Variants in PGM2L1 observed in about 807,000 individuals in gnomAD.
PGM2L1 encodes glucose 1,6-bisphosphate synthase.
A neutral mutation model predicts 73.4 loss-of-function variants in PGM2L1; 35 were observed. The observed-to-expected ratio is 0.48, with a 90% CI of 0.36 to 0.63. PGM2L1 has a LOEUF of 0.63. Ranked by LOEUF, PGM2L1 falls within the 30% of genes least tolerant of loss-of-function variation. The pLI is 0.00. For synonymous variants in PGM2L1, 225 were observed against 253.8 expected, an observed-to-expected ratio of 0.89 and a Z score of 1.08; for missense variants, 570 against 742.0, an observed-to-expected ratio of 0.77 and a Z score of 2.69.
intron 2 of PGM2L1, among the ~76,000 whole-genome samples, chr11:74,374,201 A>G (rs1862820851): frequency 6.6e-6 from 1 of 152,066 alleles, no homozygotes; most frequent in African/African-American, 2.4e-5. Flanking sequence ...CTCCTGCCTC[A>G]GCCTCCCGGG....
chr11:74,359,068 TATATATTCATGC>T (rs1304870402), intron 5 of PGM2L1, among the ~76,000 whole-genome samples: 1 of 152,198 alleles, frequency 6.6e-6, no homozygotes, highest in Non-Finnish European at 1.5e-5. Flanking sequence ...GAATAAAGCA[TATATATTCATGC>T]ATATATTCAT....
rs60883108 is a variant in PGM2L1, at chr11:74,395,549, C to CTTTTTTTTTTTTTTTTT, written c.111+2485_111+2501dup. On this transcript the variant is annotated intron_variant, in intron 1 of 13. Transcript: ENST00000298198. ...TACAGGCACGTGACACCTCGCCTGG[C>CTTTTTTTTTTTTTTTTT]TTTTTTTTTTTTTTTTTTTTTTTTT... 1.6e-3 allele frequency among the ~76,000 whole-genome samples: 102 copies of CTTTTTTTTTTTTTTTTT among 64,942 alleles called. 9 individuals carry two copies. The highest frequency in any genetic ancestry group is 1.9e-3 in the African/African-American group (27 of 14,098). The allele number at this position is 64,942 out of a possible 152,430, so 42.6% of individuals were successfully genotyped here.
intron 1 of PGM2L1, among the ~76,000 whole-genome samples, chr11:74,390,460 C>T (rs1383196843): frequency 6.6e-6 from 1 of 152,164 alleles, no homozygotes; most frequent in Non-Finnish European, 1.5e-5. Flanking sequence ...TGATATGCAA[C>T]AGTTTGCTTA....
Position 74,374,491 on chromosome 11 carries a change from C to G in PGM2L1, c.203G>C (p.Gly68Ala). 4 of 1,614,100 alleles carry G rather than the reference C, an allele frequency of 2.5e-6. No homozygotes were observed. The highest frequency in any genetic ancestry group is 3.4e-6 in the Non-Finnish European group (4 of 1,179,974). Residue 68 changes from glycine to alanine, a missense_variant, in exon 2 of 14, where the codon GGG (glycine) becomes GCG (alanine). Transcript: ENST00000298198. Reference protein sequence around the residue: ...RDRLCCRMTFGTAGLRSAMGA... With the variant: ...RDRLCCRMTFATAGLRSAMGA... ...CATGGCAGAACGAAGTCCTGCAGTC[C>G]CAAAAGTCATTCGGCAACAAAGACG...
chr11:74,395,439 T>G (rs903415343), intron 1 of PGM2L1, among the ~76,000 whole-genome samples: 4 of 151,798 alleles, frequency 2.6e-5, no homozygotes, highest in African/African-American at 9.7e-5. Flanking sequence ...CAGGCTGGAG[T>G]GCAGTGGAAC....
chr11:74,389,832 G>A (rs143096764), intron 1 of PGM2L1, among the ~76,000 whole-genome samples: 1 of 148,952 alleles, frequency 6.7e-6, no homozygotes, highest in East Asian at 2.0e-4. Flanking sequence ...GGCCGGGTGC[G>A]GTGGCTCACG....
intron 5 of PGM2L1, among the ~76,000 whole-genome samples, chr11:74,362,896 T>C (rs938982519): frequency 6.6e-6 from 1 of 152,094 alleles, no homozygotes. Flanking sequence ...ACCTAATAGA[T>C]ATCTACAGAA....
chr11:74,351,134 G>T (rs1189103505), intron 6 of PGM2L1, among the ~76,000 whole-genome samples: 3 of 152,164 alleles, frequency 2.0e-5, no homozygotes, highest in African/African-American at 7.2e-5. Context: ...GTTTATCCAT[G>T]TTGTGGTATG....
chr11:74,342,158 C>A (rs1004484172), intron 12 of PGM2L1, among the ~76,000 whole-genome samples: 12 of 152,076 alleles, frequency 7.9e-5, no homozygotes, highest in African/African-American at 2.9e-4. Context: ...TCCTGCTGAT[C>A]TCCTATTTCA....
chr11:74,360,253 A>G (rs773164809), intron 5 of PGM2L1, among the ~76,000 whole-genome samples: 1 of 132,622 alleles, frequency 7.5e-6, no homozygotes, highest in Non-Finnish European at 1.6e-5. Context: ...AAAATAAAAT[A>G]AAAGAAAGAA....
At chr11:74,397,794 G>A (rs1436233651) in intron 1 of PGM2L1, 2 of 338,970 alleles carry the variant, frequency 5.9e-6, no homozygotes, top group Non-Finnish European at 1.0e-5. Flanking sequence ...CACTTGAAAG[G>A]AAAGAGGGTA....
Position 74,336,138 on chromosome 11 carries a change from A to G in PGM2L1, c.*514T>C, listed in dbSNP as rs1382434736. 6.6e-6 allele frequency: 1 copy of G among 152,288 alleles called. No homozygotes were observed. Among genetic ancestry groups the G allele is most frequent in the Non-Finnish European group, 1.5e-5 (1 of 68,068 alleles). The allele number at this position is 152,288 out of a possible 1,614,324, so 9.4% of individuals were successfully genotyped here. ...AGAAATGCTAAATATCCTATTTCAA[A>G]TACTCTAATTTGTAAATTAATACCT... On this transcript the variant is annotated 3_prime_UTR_variant, in exon 14 of 14. Transcript: ENST00000298198.
In PGM2L1 at chr11:74,332,014, A is replaced by C. The variant is rs1862022888; in HGVS notation, c.*4638T>G. 1 of 152,250 alleles carries C rather than the reference A, an allele frequency of 6.6e-6. No individual in the cohort carries two copies. Among genetic ancestry groups the C allele is most frequent in the Non-Finnish European group, 1.5e-5 (1 of 68,040 alleles). 9.4% of individuals were successfully genotyped at this position (152,250 alleles called of 1,614,324 possible). On this transcript the variant is annotated 3_prime_UTR_variant, in exon 14 of 14. Coordinates refer to ENST00000298198, the MANE Select transcript of PGM2L1 (RefSeq NM_173582.6). Reference sequence around the variant, plus strand: ...GTCTAATAAATATATAGTATGGTGAATACTTTAAGGTAACCAGTAGTCAAC... The same window carrying C: ...GTCTAATAAATATATAGTATGGTGACTACTTTAAGGTAACCAGTAGTCAAC...
chr11:74,379,344 C>G lies in PGM2L1; in HGVS notation c.112-4762G>C, dbSNP rs573218582. 2.6e-5 allele frequency among the ~76,000 whole-genome samples: 4 copies of G among 152,236 alleles called. No homozygotes were observed. The East Asian group carries it at 7.7e-4, about 29-fold the overall frequency. On this transcript the variant is annotated intron_variant, in intron 1 of 13. Coordinates refer to ENST00000298198, the MANE Select transcript of PGM2L1 (RefSeq NM_173582.6). ...CAAGCTATTCATGAGGGAACCACCT[C>G]CATGACCCAAACGCCTCCCACCAGG...
rs1862615906 is a variant in PGM2L1 at position 74,364,247 on chromosome 11, C to G, written c.555+4245G>C. Among the ~76,000 whole-genome samples, 3 of 152,192 alleles carry G rather than the reference C, an allele frequency of 2.0e-5. No homozygotes were observed. In the South Asian group the frequency reaches 6.2e-4, roughly 31 times the overall value. On this transcript the variant is annotated intron_variant, in intron 5 of 13. Transcript: ENST00000298198. ...ATAAGAGCTATTTATGACAAACCCA[C>G]AGCCAATATCATACTGAATGGGCAA...
At chr11:74,360,333 G>GA (rs917106165) in intron 5 of PGM2L1, among the ~76,000 whole-genome samples, 7 of 146,922 alleles carry the variant, frequency 4.8e-5, no homozygotes, top group South Asian at 2.2e-4. Flanking sequence ...AGGTAAGAAG[G>GA]AAAAAAAAAA....
Position 74,397,828 on chromosome 11 carries a change from T to C in PGM2L1, c.111+223A>G, listed in dbSNP as rs191055708. 241 of 491,468 alleles carry C rather than the reference T, an allele frequency of 4.9e-4. 1 individual carries two copies. Among genetic ancestry groups the C allele is most frequent in the African/African-American group, 3.6e-3 (177 of 48,664 alleles). 30.4% of individuals were successfully genotyped at this position (491,468 alleles called of 1,614,324 possible). A position where few individuals can be genotyped will look rare whatever the true frequency, so the allele number is the denominator to read the frequency against. Reference sequence around the variant, plus strand: ...TAAAGAAGAGGAAGGGAGGTTACAATTGAGAGCACTGCAGAAGGAAGCGAT... The same window carrying C: ...TAAAGAAGAGGAAGGGAGGTTACAACTGAGAGCACTGCAGAAGGAAGCGAT... On this transcript the variant is annotated intron_variant, in intron 1 of 13. Transcript: ENST00000298198.
rs578083577 is a variant in PGM2L1, at chr11:74,395,048, G to A, written c.111+3003C>T. On this transcript the variant is annotated intron_variant, in intron 1 of 13. Transcript: ENST00000298198. ...TGCACTCTAAATTTCAGTGCCCTGA[G>A]ACAGTCTAGCTTACCTATAGTATCA... 1.3e-4 allele frequency among the ~76,000 whole-genome samples: 20 copies of A among 152,250 alleles called. No homozygotes were observed. In the South Asian group the frequency reaches 4.1e-3, roughly 32 times the overall value.
intron 1 of PGM2L1, among the ~76,000 whole-genome samples, chr11:74,385,716 A>G (rs1863009035): frequency 6.6e-6 from 1 of 152,172 alleles, no homozygotes; most frequent in East Asian, 1.9e-4. Context: ...TGAAATGGCG[A>G]AAATACTACC....
Sources: allele counts gnomAD v4.1 joint callset (sites outside exome capture counted in the v4.1 genomes callset), GRCh38; gene constraint gnomAD v4.1.1; transcripts MANE v1.5; gene names NCBI Gene and HGNC (gene_info 2026-07-23, HGNC 2026-07-21).